The following COL23A1 variants were observed in gnomAD, a reference collection of about 807,000 sequenced individuals.
COL23A1 encodes the protein collagen type XXIII alpha 1 chain.
Under a neutral mutation model 99.3 loss-of-function variants are expected in COL23A1, and 97 were observed. The observed-to-expected ratio is 0.98, with a 90% confidence interval of 0.83 to 1.16. The LOEUF is 1.16. COL23A1 is among the 50% of genes most tolerant of loss of function. The probability of loss-of-function intolerance (pLI) is 0.00; values close to 1 mark genes in which losing one functional copy is unlikely to be tolerated. For synonymous variants in COL23A1, 320 were observed against 308.2 expected (o/e 1.04, Z -0.40); for missense variants, 762 against 757.4 (o/e 1.01, Z -0.07).
At chr5:178,433,015 T>A (rs1275178565) in intron 2 of COL23A1, among the ~76,000 whole-genome samples, 1 of 152,078 alleles carries the variant, frequency 6.6e-6, no homozygotes, top group Non-Finnish European at 1.5e-5. Context: ...TTGGTTTCCC[T>A]CTCCGAGAGG....
At chr5:178,498,936 A>AG (rs1361755611) in intron 2 of COL23A1, among the ~76,000 whole-genome samples, 1 of 151,986 alleles carries the variant, frequency 6.6e-6, no homozygotes, top group Non-Finnish European at 1.5e-5. Flanking sequence ...AAAAAAAAAA[A>AG]AAAATTAATC....
intron 2 of COL23A1, among the ~76,000 whole-genome samples, chr5:178,482,022 T>TAA (rs35849475): frequency 1.2e-3 from 168 of 144,342 alleles, no homozygotes; most frequent in African/African-American, 3.2e-3. Flanking sequence ...AAAGTATAAT[T>TAA]AAAAAAAAAA....
intron 2 of COL23A1, among the ~76,000 whole-genome samples, chr5:178,509,909 T>C (rs1275708457): frequency 6.6e-6 from 1 of 152,140 alleles, no homozygotes; most frequent in Non-Finnish European, 1.5e-5. Flanking sequence ...AAGTTTCATA[T>C]CTCCTCTGAA....
intron 2 of COL23A1, among the ~76,000 whole-genome samples, chr5:178,358,413 GTGTA>G (rs1414456686): frequency 9.1e-5 from 11 of 121,172 alleles, no homozygotes; most frequent in African/African-American, 1.7e-4. Flanking sequence ...ATGTGTGTAT[GTGTA>G]TGTGTGTGTA....
chr5:178,549,113 A>G (rs575022516), intron 2 of COL23A1, among the ~76,000 whole-genome samples: 11 of 152,304 alleles, frequency 7.2e-5, no homozygotes, highest in African/African-American at 1.7e-4. Flanking sequence ...CTCCTGCCTC[A>G]GCCCCGAGGA....
chr5:178,341,468 C>A (rs1760656653), intron 2 of COL23A1, among the ~76,000 whole-genome samples: 1 of 152,198 alleles, frequency 6.6e-6, no homozygotes, highest in African/African-American at 2.4e-5. Flanking sequence ...GCCTGGCTAG[C>A]CTGGCTCTTC....
Position 178,268,730 on chromosome 5 carries a change from C to T in COL23A1, c.495G>A (p.Lys165=). The change falls in exon 7 of 29, where the codon AAG becomes AAA. Residue 165 remains lysine, a splice_region_variant and synonymous_variant. Transcript: ENST00000390654. The part of the protein sequence containing the change: ...KPGLPGPKGE[K]GAPGDFGPRG... The stretch of plus-strand genomic sequence containing the variant: ...CTGCACAGCCTCTGGCATCACTTAC[C>T]TTTTCCCCTTTCGGGCCTGGAAGTC... The T allele has an allele frequency of 6.2e-7, 1 of 1,603,992 alleles. No individual in the cohort carries two copies.
chr5:178,345,029 C>T (rs1760882835), intron 2 of COL23A1: 1 of 580,626 alleles, frequency 1.7e-6, no homozygotes, highest in African/African-American at 1.9e-5. Flanking sequence ...ATACTCACCA[C>T]CTGGAGATCT....
chr5:178,242,210 G>A, intron 26 of COL23A1, 82 bp from the exon 27 acceptor site: 2 of 1,469,588 alleles, frequency 1.4e-6, no homozygotes, highest in Non-Finnish European at 1.9e-6. Context: ...GAAGCGCGTG[G>A]GGCCAGCCTC....
intron 2 of COL23A1, among the ~76,000 whole-genome samples, chr5:178,505,079 G>T (rs927359759): frequency 6.6e-6 from 1 of 152,134 alleles, no homozygotes; most frequent in Admixed American, 6.6e-5. Flanking sequence ...CAGGATCAAG[G>T]CATCAGAGGG....
Position 178,238,783 on chromosome 5 carries a change from G to A in COL23A1, c.1621-83C>T, listed in dbSNP as rs372951332. 4,212 of 1,568,900 alleles carry A rather than the reference G, an allele frequency of 2.7e-3. 17 individuals carry two copies. The highest frequency in any genetic ancestry group is 6.5e-3 in the South Asian group (590 of 90,164). ...CCAGGCCACCTTGCCTGGCCTCCCCGGTCCTGCCCATTTCCTCCTATCTTC... is the reference window on the plus strand; with the variant it reads ...CCAGGCCACCTTGCCTGGCCTCCCCAGTCCTGCCCATTTCCTCCTATCTTC... On this transcript the variant is annotated intron_variant, in intron 28 of 28. Coordinates refer to ENST00000390654, the MANE Select transcript of COL23A1 (RefSeq NM_173465.4).
At chr5:178,368,803 A>G (rs1762636512) in intron 2 of COL23A1, among the ~76,000 whole-genome samples, 1 of 152,020 alleles carries the variant, frequency 6.6e-6, no homozygotes, top group African/African-American at 2.4e-5. Context: ...TAGGACACCA[A>G]CCCCTTTTTA....
chr5:178,249,716 ACTCTCTCTCTCTCTCT>A lies in COL23A1; in HGVS notation c.1059+329_1059+344del, dbSNP rs59946818. On this transcript the variant is annotated intron_variant, in intron 18 of 28. Transcript: ENST00000390654. ...CACACACACACACACACACACACAC[ACTCTCTCTCTCTCTCT>A]CTCTCTCTCTCTCTCTCTCGAATTG... 9.7e-5 allele frequency among the ~76,000 whole-genome samples: 9 copies of A among 92,808 alleles called. No individual in the cohort carries two copies. The South Asian group carries it at 2.1e-3, about 22-fold the overall frequency. The allele number at this position is 92,808 out of a possible 152,430, so 60.9% of individuals were successfully genotyped here.
intron 2 of COL23A1, among the ~76,000 whole-genome samples, chr5:178,523,177 TAC>T (rs1554189047): frequency 1.3e-5 from 1 of 77,860 alleles, no homozygotes; most frequent in Non-Finnish European, 2.6e-5. Context: ...TATATATATA[TAC>T]ACATATATAT....
At chr5:178,285,103 C>T (rs374769994) in intron 5 of COL23A1, among the ~76,000 whole-genome samples, 3 of 152,316 alleles carry the variant, frequency 2.0e-5, no homozygotes, top group Non-Finnish European at 2.9e-5. Flanking sequence ...CAGGGCGAGC[C>T]GGGCCCTTGT....
chr5:178,520,497 G>A lies in COL23A1; in HGVS notation c.361+40185C>T, dbSNP rs1219021221. On this transcript the variant is annotated intron_variant, in intron 2 of 28. Coordinates refer to ENST00000390654, the MANE Select transcript of COL23A1 (RefSeq NM_173465.4). ...GGCTCAGGGCTCTGTCGATGTGTTT[G>A]GGAAGAAAGCACCTGTGAAACATCT... Among the ~76,000 whole-genome samples, 3 of 152,186 alleles carry A rather than the reference G, an allele frequency of 2.0e-5. No individual in the cohort carries two copies. In the South Asian group the frequency reaches 6.2e-4, roughly 32 times the overall value.
At chr5:178,587,637 A>G (rs73346594) in intron 1 of COL23A1, among the ~76,000 whole-genome samples, 8,881 of 152,282 alleles carry the variant, frequency 0.058, 775 homozygotes, top group African/African-American at 0.19. Context: ...AACAGCTTCA[A>G]GTACAAATGT....
At chr5:178,423,939 G>C (rs935872670) in intron 2 of COL23A1, among the ~76,000 whole-genome samples, 1 of 152,228 alleles carries the variant, frequency 6.6e-6, no homozygotes, top group Non-Finnish European at 1.5e-5. Flanking sequence ...AGATAATCCA[G>C]GAGGGCTGAG....
chr5:178,590,138 G>T lies in COL23A1; in HGVS notation c.60C>A (p.Gly20=). Residue 20 remains glycine, a synonymous_variant, in exon 1 of 29, where the codon GGC becomes GGA. Coordinates refer to ENST00000390654, the MANE Select transcript of COL23A1 (RefSeq NM_173465.4). This position sits in a 1 kb window ranked among gnomAD's most constrained non-coding sequence, Gnocchi z 5.7. ...GGDAGKGNAA[G]GGGGGRSATT... ...TCGCCGAGCGCCCTCCGCCGCCGCC[G>T]CCCGCCGCATTGCCCTTCCCCGCGT... is the stretch of plus-strand genomic sequence containing the variant. The T allele has an allele frequency of 8.1e-7, 1 of 1,238,618 alleles. No homozygotes were observed. Among genetic ancestry groups the T allele is most frequent in the Non-Finnish European group, 1.0e-6 (1 of 995,062 alleles). 76.7% of individuals were successfully genotyped at this position (1,238,618 alleles called of 1,614,324 possible).
Sources: gnomAD v4.1 joint callset for allele counts (sites outside exome capture counted in the v4.1 genomes callset) on GRCh38, gnomAD v4.1.1 for gene constraint, Gnocchi (gnomAD v3.1) non-coding constraint, MANE v1.5 for transcripts, NCBI Gene and HGNC (gene_info 2026-07-23, HGNC 2026-07-21) for gene names.